The following TENM2 variants were observed in gnomAD, a reference collection of about 807,000 sequenced individuals.
TENM2 encodes teneurin transmembrane protein 2.
Under a neutral mutation model 245.2 loss-of-function variants are expected in TENM2, and 52 were observed. The ratio of observed to expected loss-of-function variants is 0.21; its 90% CI spans 0.17 to 0.27. The LOEUF is 0.27. Among genes scored for constraint, TENM2 ranks in the 10% least tolerant of loss-of-function variants. The pLI is 1.00. For synonymous variants in TENM2, 1,363 were observed against 1,438.9 expected, an observed-to-expected ratio of 0.95 and a Z score of 1.19; for missense variants, 3,046 against 3,666.8, an observed-to-expected ratio of 0.83 and a Z score of 4.37.
At chr5:168,166,188 G>T (rs190428010) in intron 13 of TENM2, among the ~76,000 whole-genome samples, 1 of 152,140 alleles carries the variant, frequency 6.6e-6, no homozygotes. Context: ...AAACCTGGCA[G>T]TGGGTCAGAG....
chr5:167,826,321 A>T (rs1236769407), intron 2 of TENM2, among the ~76,000 whole-genome samples: 1 of 152,200 alleles, frequency 6.6e-6, no homozygotes, highest in Non-Finnish European at 1.5e-5. Context: ...TCCCTGCTGC[A>T]TTTCTATTTC....
intron 19 of TENM2, among the ~76,000 whole-genome samples, chr5:168,207,694 G>T (rs1158182855): frequency 6.6e-6 from 1 of 152,156 alleles, no homozygotes; most frequent in Admixed American, 6.5e-5. Flanking sequence ...TCCATTGTAA[G>T]TTGGCAGCTG....
intron 2 of TENM2, among the ~76,000 whole-genome samples, chr5:167,588,821 T>G (rs553374556): frequency 6.6e-6 from 1 of 152,376 alleles, no homozygotes; most frequent in African/African-American, 2.4e-5. Flanking sequence ...TGTGGCTTTC[T>G]GTTTTTCATT....
chr5:167,610,260 G>A (rs574676823), intron 2 of TENM2, among the ~76,000 whole-genome samples: 10 of 152,162 alleles, frequency 6.6e-5, no homozygotes, highest in East Asian at 1.9e-4. Context: ...AGGAACCCCC[G>A]TGTGTACATC....
At chr5:166,999,773 A>T in the TENM2 span, among the ~76,000 whole-genome samples, 1 of 152,126 alleles carries the variant, frequency 6.6e-6, no homozygotes, top group Non-Finnish European at 1.5e-5. Flanking sequence ...CTTGAGTAGG[A>T]ATGTTTTATA....
chr5:167,093,099 TC>T, the TENM2 span, among the ~76,000 whole-genome samples: 1 of 151,778 alleles, frequency 6.6e-6, no homozygotes, highest in Non-Finnish European at 1.5e-5. Context: ...TATGGGAGAG[TC>T]CTAAATTACA....
intron 25 of TENM2, among the ~76,000 whole-genome samples, chr5:168,238,862 C>T (rs1027668050): frequency 7.9e-5 from 12 of 152,032 alleles, no homozygotes; most frequent in African/African-American, 2.4e-4. Flanking sequence ...GGAAAATGCC[C>T]GATAATTAAA....
At chr5:168,010,258 C>T (rs569879840) in intron 5 of TENM2, among the ~76,000 whole-genome samples, 3 of 152,302 alleles carry the variant, frequency 2.0e-5, no homozygotes, top group African/African-American at 4.8e-5. Flanking sequence ...TAGCTGACAA[C>T]GCTCTGAAAG....
intron 2 of TENM2, among the ~76,000 whole-genome samples, chr5:167,539,830 TATG>T (rs1179989465): frequency 6.6e-5 from 10 of 152,178 alleles, no homozygotes; most frequent in East Asian, 1.9e-4. Context: ...ATTTATGAAA[TATG>T]ATAATAATAT....
At chr5:168,248,422 T>C (rs1766795638) in intron 27 of TENM2, 51 bp downstream of exon 29, 1 of 1,551,374 alleles carries the variant, frequency 6.4e-7, no homozygotes, top group Non-Finnish European at 8.7e-7. Flanking sequence ...AGGGTACTTG[T>C]TGCTGTGGGG....
intron 2 of TENM2, among the ~76,000 whole-genome samples, chr5:167,840,945 A>G (rs1769452933): frequency 6.6e-6 from 1 of 152,136 alleles, no homozygotes; most frequent in Non-Finnish European, 1.5e-5. Flanking sequence ...GAGACCTTGC[A>G]ACATCACTTT....
chr5:167,300,812 G>T (rs1249453304), intron 1 of TENM2, among the ~76,000 whole-genome samples: 2 of 152,104 alleles, frequency 1.3e-5, no homozygotes, highest in African/African-American at 4.8e-5. Context: ...AGGTGTGGCT[G>T]TAGCCCAGGA....
At chr5:167,562,783 C>T (rs537481841) in intron 2 of TENM2, among the ~76,000 whole-genome samples, 1 of 152,000 alleles carries the variant, frequency 6.6e-6, no homozygotes, top group Non-Finnish European at 1.5e-5. Flanking sequence ...ACGGTGAAAC[C>T]CTGTCTCTAC....
At chr5:167,084,359 A>ATATATATATATATATCTATATC in the TENM2 span, among the ~76,000 whole-genome samples, 1 of 117,636 alleles carries the variant, frequency 8.5e-6, no homozygotes, top group East Asian at 2.5e-4. Flanking sequence ...ATATATATAT[A>ATATATATATATATATCTATATC]TATATATACA....
chr5:167,723,389 C>A (rs1759769410), intron 2 of TENM2, among the ~76,000 whole-genome samples: 1 of 152,164 alleles, frequency 6.6e-6, no homozygotes, highest in Non-Finnish European at 1.5e-5. Context: ...AGTCTCCCCA[C>A]CCTTGCACTT....
At chr5:167,204,486 C>A in the TENM2 span, among the ~76,000 whole-genome samples, 1 of 152,150 alleles carries the variant, frequency 6.6e-6, no homozygotes, top group Admixed American at 6.5e-5. Context: ...CGAGAAAATT[C>A]TTGCCCCTCA....
intron 2 of TENM2, among the ~76,000 whole-genome samples, chr5:167,413,993 T>G (rs1000807367): frequency 2.6e-5 from 4 of 152,180 alleles, no homozygotes; most frequent in Non-Finnish European, 1.5e-5. Context: ...TATATTACAG[T>G]GCTCACAGAG....
intron 12 of TENM2, among the ~76,000 whole-genome samples, chr5:168,151,734 G>A (rs766337719): frequency 6.6e-6 from 1 of 152,192 alleles, no homozygotes; most frequent in Non-Finnish European, 1.5e-5. Context: ...CAGTGGCCCC[G>A]GGCAGCAGCA....
the TENM2 span, among the ~76,000 whole-genome samples, chr5:167,132,548 C>T: frequency 6.6e-6 from 1 of 152,014 alleles, no homozygotes; most frequent in African/African-American, 2.4e-5. Context: ...GCATGTTACG[C>T]AAATAAATCA....
Sources: gnomAD v4.1 joint callset for allele counts (sites outside exome capture counted in the v4.1 genomes callset) on GRCh38, gnomAD v4.1.1 for gene constraint, MANE v1.5 for transcripts, NCBI Gene and HGNC (gene_info 2026-07-23, HGNC 2026-07-21) for gene names.